The following UBXN8 variants were observed in gnomAD, a reference collection of about 807,000 sequenced individuals.
The protein encoded by UBXN8 is UBX domain-containing protein 8.
A neutral mutation model predicts 32.1 loss-of-function variants in UBXN8; 27 were observed. The ratio of observed to expected loss-of-function variants is 0.84; its 90% CI spans 0.62 to 1.16. The LOEUF is 1.16. Ranked by LOEUF, UBXN8 falls within the 50% of genes most tolerant of loss-of-function variation. The pLI, the probability that UBXN8 is intolerant of heterozygous loss-of-function variation, is 0.00. For missense variants in UBXN8, 306 were observed against 311.4 expected (o/e 0.98, Z 0.13); for synonymous variants, 109 against 111.8 (o/e 0.98, Z 0.16).
chr8:30,738,104 A>G (rs1048735418), intron 1 of UBXN8, among the ~76,000 whole-genome samples: 6 of 152,246 alleles, frequency 3.9e-5, no homozygotes, highest in African/African-American at 1.4e-4. Flanking sequence ...ATTTAAAAAA[A>G]AAAAAAAATA....
intron 1 of UBXN8, among the ~76,000 whole-genome samples, chr8:30,749,596 TTTTC>T (rs1487894003): frequency 2.4e-5 from 2 of 83,482 alleles, no homozygotes; most frequent in African/African-American, 8.9e-5. Flanking sequence ...TGACACGATA[TTTTC>T]TTTTTTTCTT....
At chr8:30,730,421 C>T (rs1487598994), upstream of UBXN8, among the ~76,000 whole-genome samples, 2 of 152,192 alleles carry the variant, frequency 1.3e-5, no homozygotes, top group East Asian at 3.8e-4. Flanking sequence ...CTGATTGCCA[C>T]CAGTTGCTCA....
intron 1 of UBXN8, among the ~76,000 whole-genome samples, chr8:30,736,505 C>G (rs989002716): frequency 1.3e-5 from 2 of 152,102 alleles, no homozygotes; most frequent in Non-Finnish European, 2.9e-5. Context: ...CGGAGTTTCG[C>G]TCTTATCTCC....
chr8:30,754,798 A>C lies in UBXN8; in HGVS notation c.405+11A>C. The C allele has an allele frequency of 6.4e-7, 1 of 1,553,290 alleles. No individual in the cohort carries two copies. The highest frequency in any genetic ancestry group is 8.6e-7 in the Non-Finnish European group (1 of 1,161,508). On this transcript the variant is annotated intron_variant, in intron 4 of 7. Transcript: ENST00000265616. The stretch of plus-strand genomic sequence containing the variant: ...GGTCACAAACTTGGGGTTGGAAAAT[A>C]TTCTCATTTTATATTTTGAATCCTC...
At chr8:30,738,367 A>G (rs1204103961) in intron 1 of UBXN8, among the ~76,000 whole-genome samples, 3 of 151,810 alleles carry the variant, frequency 2.0e-5, no homozygotes, top group Admixed American at 6.6e-5. Context: ...AAAAAATAAT[A>G]ATAATAATAA....
At chr8:30,759,326 C>T (rs187361598) in intron 5 of UBXN8, among the ~76,000 whole-genome samples, 1 of 152,114 alleles carries the variant, frequency 6.6e-6, no homozygotes, top group East Asian at 1.9e-4. Flanking sequence ...ATCTCTGCCT[C>T]CTGGGTTCAA....
chr8:30,747,894 C>CTTTTTTTTTTTTTTATTTTTTTTTTTTTT (rs1805407523), intron 1 of UBXN8, among the ~76,000 whole-genome samples: 1 of 35,640 alleles, frequency 2.8e-5, no homozygotes, highest in Non-Finnish European at 5.4e-5. Flanking sequence ...TATATTTTTT[C>CTTTTTTTTTTTTTTATTTTTTTTTTTTTT]TTTTTTTTTT....
chr8:30,739,706 G>A (rs144007374), upstream of UBXN8, among the ~76,000 whole-genome samples: 3 of 152,198 alleles, frequency 2.0e-5, no homozygotes, highest in Admixed American at 6.5e-5. Flanking sequence ...AATGGTAAAG[G>A]ATTTATGCAA....
upstream of UBXN8, among the ~76,000 whole-genome samples, chr8:30,730,690 AAAG>A (rs1336348085): frequency 6.6e-6 from 1 of 152,248 alleles, no homozygotes; most frequent in East Asian, 1.9e-4. Context: ...CATTCAGGGA[AAAG>A]AAGAAAGTCC....
chr8:30,733,240 T>C (rs1805008246), exon 1 of UBXN8: 1 of 152,254 alleles, frequency 6.6e-6, no homozygotes, highest in African/African-American at 2.4e-5. Context: ...GCCAGATCGT[T>C]GCCCCAGGGC....
At position 30,753,020 on chromosome 8, in the gene UBXN8, G is replaced by A. The variant is rs1251696075; in HGVS notation, c.212-15G>A. On this transcript the variant is annotated splice_polypyrimidine_tract_variant and intron_variant, in intron 2 of 7. Transcript: ENST00000265616. ...CTTGGGAAGTAAAAAGCACTTTTATGTTTTGATGTCTTAGAAGAAGAAGAA... is the reference window on the plus strand; with the variant it reads ...CTTGGGAAGTAAAAAGCACTTTTATATTTTGATGTCTTAGAAGAAGAAGAA... The A allele has an allele frequency of 2.7e-6, 4 of 1,503,374 alleles. No homozygotes were observed. The East Asian group carries it at 1.0e-4, about 37-fold the overall frequency. 93.1% of individuals were successfully genotyped at this position (1,503,374 alleles called of 1,614,324 possible). A position where few individuals can be genotyped will look rare whatever the true frequency, so the allele number is the denominator to read the frequency against.
chr8:30,730,696 G>GA (rs1237218601), upstream of UBXN8, among the ~76,000 whole-genome samples: 2 of 152,220 alleles, frequency 1.3e-5, no homozygotes, highest in Non-Finnish European at 2.9e-5. Context: ...GGGAAAAGAA[G>GA]AAAGTCCAGC....
In UBXN8 at chr8:30,756,843, T is replaced by G. The variant is rs201765369; in HGVS notation, c.484T>G (p.Leu162Val). The G allele has an allele frequency of 1.4e-5, 23 of 1,613,864 alleles. No individual in the cohort carries two copies. The highest frequency in any genetic ancestry group is 6.7e-5 in the Admixed American group (4 of 59,988). Residue 162 changes from leucine (L) to valine (V), a missense_variant, in exon 5 of 8, where the codon TTA becomes GTA. Physicochemically the swap from Leu to Val is conservative, Grantham distance 32. Transcript: ENST00000265616. ...AAAGAGCCAGAACTTGCCTAAACCTTTAACTGAATTTCCGTCTCCTGCTGA... is the reference window on the plus strand; with the variant it reads ...AAAGAGCCAGAACTTGCCTAAACCTGTAACTGAATTTCCGTCTCCTGCTGA... ...AAKSQNLPKP[L>V]TEFPSPAEQP...
upstream of UBXN8, chr8:30,732,486 G>GGGGCTGTGGGGTTTTGC (rs1352894085): frequency 2.9e-6 from 1 of 348,398 alleles, no homozygotes; most frequent in African/African-American, 2.1e-5. Context: ...AGAATTCTTA[G>GGGGCTGTGGGGTTTTGC]GGGCTGTGGG....
At chr8:30,755,600 T>C (rs1409249998) in intron 4 of UBXN8, among the ~76,000 whole-genome samples, 1 of 150,116 alleles carries the variant, frequency 6.7e-6, no homozygotes, top group Non-Finnish European at 1.5e-5. Context: ...AAAAAAAAAA[T>C]TAAAAATTAG....
upstream of UBXN8, among the ~76,000 whole-genome samples, chr8:30,730,556 C>T (rs1432067431): frequency 3.3e-5 from 5 of 152,042 alleles, no homozygotes; most frequent in Non-Finnish European, 5.9e-5. Flanking sequence ...TACCGGGAAC[C>T]GACCCCCAGT....
At chr8:30,760,443 A>ATATATATAT (rs1196366158) in intron 5 of UBXN8, among the ~76,000 whole-genome samples, 63 of 91,092 alleles carry the variant, frequency 6.9e-4, no homozygotes, top group South Asian at 2.5e-3. Context: ...ATATATATAT[A>ATATATATAT]TTTTTTTTTT....
chr8:30,764,018 T>C (rs1034496242), intron 7 of UBXN8, among the ~76,000 whole-genome samples: 11 of 151,982 alleles, frequency 7.2e-5, no homozygotes, highest in African/African-American at 2.7e-4. Flanking sequence ...AAAACAATAC[T>C]GTGGTTGTTA....
At chr8:30,739,412 C>T (rs942685772), upstream of UBXN8, among the ~76,000 whole-genome samples, 6 of 151,924 alleles carry the variant, frequency 3.9e-5, no homozygotes, top group African/African-American at 9.7e-5. Context: ...GGCGTGGTGG[C>T]GGGCGCCTGT....
Sources: allele counts gnomAD v4.1 joint callset (sites outside exome capture counted in the v4.1 genomes callset), GRCh38; gene constraint gnomAD v4.1.1; transcripts MANE v1.5; gene names NCBI Gene and HGNC (gene_info 2026-07-23, HGNC 2026-07-21).